BRD8: variants seen among roughly 807,000 people sequenced by gnomAD.
BRD8 encodes bromodomain-containing protein 8.
BRD8 carries 67 observed loss-of-function variants against 143.1 expected under a neutral mutation model. That is an observed-to-expected ratio of 0.47 (90% CI 0.38 to 0.57). The LOEUF is 0.57. Ranked by LOEUF, BRD8 falls within the 20% of genes least tolerant of loss-of-function variation. The pLI is 0.00. For synonymous variants in BRD8, 505 were observed against 517.1 expected, an observed-to-expected ratio of 0.98 and a Z score of 0.32; for missense variants, 1,103 against 1,503.0, an observed-to-expected ratio of 0.73 and a Z score of 4.40.
chr5:138,145,387 T>G, intron 24 of BRD8, 142 bp from the exon 25 acceptor site: 1 of 659,284 alleles, frequency 1.5e-6, no homozygotes, highest in South Asian at 2.3e-5. Flanking sequence ...TTGTTCCCTC[T>G]TGCCAGAGAG....
intron 21 of BRD8, among the ~76,000 whole-genome samples, chr5:138,151,508 C>T (rs553644680): frequency 3.9e-5 from 6 of 152,300 alleles, no homozygotes; most frequent in Non-Finnish European, 5.9e-5. Flanking sequence ...CTTAAAGTTA[C>T]AGCATTTTAA....
At chr5:138,163,963 A>G in intron 14 of BRD8, 124 bp downstream of exon 14, 1 of 1,182,972 alleles carries the variant, frequency 8.5e-7, no homozygotes, top group Non-Finnish European at 1.2e-6. Context: ...GCTTTTCCCC[A>G]TGCAACTCCA....
At chr5:138,140,581 C>A in intron 26 of BRD8, 124 bp downstream of exon 26, 1 of 1,138,638 alleles carries the variant, frequency 8.8e-7, no homozygotes, top group Non-Finnish European at 1.3e-6. Flanking sequence ...CATTATCAAT[C>A]CTTCAGGGCC....
chr5:138,156,342 A>G (rs1276333100), intron 20 of BRD8, among the ~76,000 whole-genome samples: 1 of 151,260 alleles, frequency 6.6e-6, no homozygotes, highest in Non-Finnish European at 1.5e-5. Flanking sequence ...GTTTCACCAT[A>G]TTGGCCAGGC....
At chr5:138,167,663 A>G in intron 9 of BRD8, 1 of 375,348 alleles carries the variant, frequency 2.7e-6, no homozygotes, top group South Asian at 2.9e-5. Flanking sequence ...AGGTATCTCT[A>G]GCACCTTGAT....
At chr5:138,151,649 A>T (rs1581410676) in intron 21 of BRD8, among the ~76,000 whole-genome samples, 1 of 136,118 alleles carries the variant, frequency 7.3e-6, no homozygotes, top group African/African-American at 2.5e-5. Context: ...GTCAAAAAGC[A>T]TGTATTTTTT....
chr5:138,170,285 G>C (rs1193766848), intron 7 of BRD8, 60 bp downstream of exon 7: 1 of 1,144,766 alleles, frequency 8.7e-7, no homozygotes, highest in African/African-American at 1.5e-5. Flanking sequence ...CAGTCCAACT[G>C]TCATTAGCAT....
At chr5:138,159,636 A>G (rs771367319) in intron 19 of BRD8, 37 bp from the exon 20 acceptor site, 4 of 1,607,152 alleles carry the variant, frequency 2.5e-6, no homozygotes, top group Non-Finnish European at 3.4e-6. Flanking sequence ...CAGGTTCCAC[A>G]GAAACTCTCA....
chr5:138,142,858 G>A (rs764942282), intron 25 of BRD8, among the ~76,000 whole-genome samples: 2 of 151,652 alleles, frequency 1.3e-5, no homozygotes, highest in South Asian at 4.2e-4. Flanking sequence ...TTGAGACTAC[G>A]AGCTTAAGAC....
intron 24 of BRD8, 92 bp downstream of exon 24, chr5:138,145,697 A>G: frequency 9.0e-7 from 1 of 1,111,366 alleles, no homozygotes. Context: ...GGCTCATTTG[A>G]GGGATGAACA....
At chr5:138,169,414 G>A in intron 7 of BRD8, 56 bp from the exon 8 acceptor site, 6 of 1,579,394 alleles carry the variant, frequency 3.8e-6, no homozygotes, top group Non-Finnish European at 5.2e-6. Context: ...AATGAAACTT[G>A]ACACTAGTCT....
At chr5:138,159,031 T>G (rs942891089) in intron 20 of BRD8, among the ~76,000 whole-genome samples, 3 of 151,850 alleles carry the variant, frequency 2.0e-5, no homozygotes, top group Non-Finnish European at 4.4e-5. Context: ...GCTCAAGCAA[T>G]CCTTCCACCT....
intron 10 of BRD8, 82 bp from the exon 11 acceptor site, chr5:138,166,190 C>CAGAT: frequency 1.0e-6 from 1 of 957,120 alleles, no homozygotes; most frequent in Non-Finnish European, 1.6e-6. Flanking sequence ...GCGCTACAGA[C>CAGAT]AGATGTCAAA....
chr5:138,158,673 C>T lies in BRD8; in HGVS notation c.2577+882G>A, dbSNP rs1007993773. On this transcript the variant is annotated intron_variant, in intron 20 of 26. Coordinates refer to ENST00000254900, the MANE Select transcript of BRD8 (RefSeq NM_139199.2). ...GGTCAGGCTGGTCTCGAACTCCCGA[C>T]CTCAGGTGATCTGCCCACCTCAGCC... 4.3e-4 allele frequency among the ~76,000 whole-genome samples: 65 copies of T among 151,390 alleles called. 2 individuals are homozygous for T.
At chr5:138,140,223 G>T in intron 26 of BRD8, 57 bp from the exon 27 acceptor site, 1 of 1,314,270 alleles carries the variant, frequency 7.6e-7, no homozygotes, top group Non-Finnish European at 1.1e-6. Flanking sequence ...CTAAAGTATT[G>T]CAAGTTTATT....
At chr5:138,150,503 T>C (rs1390589879) in intron 22 of BRD8, among the ~76,000 whole-genome samples, 1 of 152,222 alleles carries the variant, frequency 6.6e-6, no homozygotes, top group Non-Finnish European at 1.5e-5. Context: ...ATGAATTATC[T>C]CATTTAAACC....
At chr5:138,147,468 T>C (rs1044227377) in intron 23 of BRD8, among the ~76,000 whole-genome samples, 9 of 151,616 alleles carry the variant, frequency 5.9e-5, no homozygotes, top group Middle Eastern at 3.4e-3. Flanking sequence ...TCTCAACAGA[T>C]GGATCTGACA....
chr5:138,170,681 C>G (rs1043651754), intron 6 of BRD8, 151 bp downstream of exon 6: 13 of 773,858 alleles, frequency 1.7e-5, no homozygotes, highest in African/African-American at 1.4e-4. Flanking sequence ...TCACTCCCCC[C>G]TCCCAGCCAC....
In BRD8 at chr5:138,152,527, C is replaced by T. The variant is rs767127696; in HGVS notation, c.2811G>A (p.Ala937=). Residue 937 remains alanine (A), a synonymous_variant, in exon 21 of 27, where the codon GCG becomes GCA. Transcript: ENST00000254900. The stretch of plus-strand genomic sequence containing the variant: ...GGTTCTGGTGGCTGGCTTTCCTTGC[C>T]GCTTCCTGAGATTCCTCACTGCCTC... ...GDGGSEESQE[A]ARKASHQNLL... The T allele has an allele frequency of 1.3e-5, 21 of 1,614,052 alleles. 1 individual carries two copies. In the Admixed American group the frequency reaches 2.2e-4, roughly 17 times the overall value.
Sources: allele counts gnomAD v4.1 joint callset (sites outside exome capture counted in the v4.1 genomes callset), GRCh38; gene constraint gnomAD v4.1.1; transcripts MANE v1.5; gene names NCBI Gene and HGNC (gene_info 2026-07-23, HGNC 2026-07-21).